Variants in CDK14 observed in about 807,000 individuals in gnomAD.
CDK14 encodes cyclin dependent kinase 14, also known as cyclin-dependent kinase 14.
In CDK14, 34 loss-of-function variants were observed where a neutral mutation model predicts 60.7. That is an observed-to-expected ratio of 0.56 (90% CI 0.43 to 0.75). The LOEUF is 0.75. CDK14 is among the 30% of genes least tolerant of loss of function. CDK14 has a pLI of 0.00. For missense variants in CDK14, 482 were observed against 564.1 expected, an observed-to-expected ratio of 0.85 and a Z score of 1.47; for synonymous variants, 197 against 203.7, an observed-to-expected ratio of 0.97 and a Z score of 0.28.
chr7:90,740,499 A>G (rs2157795), intron 3 of CDK14, among the ~76,000 whole-genome samples: 1 of 151,924 alleles, frequency 6.6e-6, no homozygotes, highest in African/African-American at 2.4e-5. Flanking sequence ...GTGTAGAGAC[A>G]CCAGGGATCC....
intron 4 of CDK14, among the ~76,000 whole-genome samples, chr7:90,750,193 CA>C (rs1562752191): frequency 4.8e-4 from 41 of 84,960 alleles, no homozygotes; most frequent in Non-Finnish European, 9.9e-4. Context: ...CACACACACA[CA>C]CACACACCAA....
At chr7:90,664,006 A>G (rs1306973264) in intron 2 of CDK14, among the ~76,000 whole-genome samples, 4 of 152,186 alleles carry the variant, frequency 2.6e-5, no homozygotes, top group African/African-American at 7.2e-5. Flanking sequence ...TGAACAGGCA[A>G]CCTACAGAAT....
intron 4 of CDK14, among the ~76,000 whole-genome samples, chr7:90,760,685 A>T (rs192072616): frequency 1.5e-4 from 23 of 152,364 alleles, no homozygotes; most frequent in African/African-American, 5.5e-4. Flanking sequence ...AATCAATGAA[A>T]ATAACATCAC....
chr7:91,118,808 T>C (rs1799691075), intron 14 of CDK14, among the ~76,000 whole-genome samples: 1 of 152,194 alleles, frequency 6.6e-6, no homozygotes, highest in South Asian at 2.1e-4. Context: ...GACCTTATCA[T>C]GATGAAGCTT....
At chr7:91,094,223 A>G (rs920534022) in intron 12 of CDK14, among the ~76,000 whole-genome samples, 29 of 152,176 alleles carry the variant, frequency 1.9e-4, no homozygotes, top group Non-Finnish European at 1.0e-4. Flanking sequence ...CCTTTTTCAT[A>G]TGAGTTCACT....
At chr7:91,111,088 G>A (rs935676920) in intron 12 of CDK14, among the ~76,000 whole-genome samples, 3 of 151,956 alleles carry the variant, frequency 2.0e-5, no homozygotes, top group African/African-American at 4.8e-5. Context: ...CATTTTTTTC[G>A]TGAACAGCCA....
At chr7:90,864,591 C>T (rs1791113873) in intron 6 of CDK14, among the ~76,000 whole-genome samples, 1 of 152,070 alleles carries the variant, frequency 6.6e-6, no homozygotes, top group African/African-American at 2.4e-5. Flanking sequence ...GTAGCTTGTG[C>T]ACCAAAATCA....
At chr7:90,609,675 G>A (rs7803168) in intron 2 of CDK14, among the ~76,000 whole-genome samples, 46,814 of 151,982 alleles carry the variant, frequency 0.31, 8,116 homozygotes, top group East Asian at 0.67. Context: ...CTGCATATCC[G>A]TGAGCCAATT....
chr7:90,946,985 A>G (rs1240542602), intron 8 of CDK14, among the ~76,000 whole-genome samples: 2 of 152,208 alleles, frequency 1.3e-5, no homozygotes, highest in Admixed American at 1.3e-4. Flanking sequence ...ACAAACCAAC[A>G]GACAACGCAG....
rs1368013848 is a variant in CDK14 at position 91,207,518 on chromosome 7, C to T, written c.*382C>T. ...ATGTCTTAAATACATTAAGACAACACATTTGGTGTTCACACTTCTTCAGTA... is the reference window on the plus strand; with the variant it reads ...ATGTCTTAAATACATTAAGACAACATATTTGGTGTTCACACTTCTTCAGTA... On this transcript the variant is annotated 3_prime_UTR_variant, in exon 15 of 15. Transcript: ENST00000380050. 6.6e-6 allele frequency: 1 copy of T among 152,646 alleles called. No homozygotes were observed. Among genetic ancestry groups the T allele is most frequent in the African/African-American group, 2.4e-5 (1 of 41,450 alleles). 9.5% of individuals were successfully genotyped at this position (152,646 alleles called of 1,614,324 possible). A position where few individuals can be genotyped will look rare whatever the true frequency, so the allele number is the denominator to read the frequency against.
At chr7:91,077,534 C>T (rs1420638494) in intron 11 of CDK14, among the ~76,000 whole-genome samples, 2 of 152,000 alleles carry the variant, frequency 1.3e-5, no homozygotes, top group Non-Finnish European at 2.9e-5. Flanking sequence ...GGACAAATAG[C>T]TAATGCATGC....
In CDK14 at chr7:90,901,674, G is replaced by GTATATATA. The variant is rs10646692; in HGVS notation, c.702+2330_702+2337dup. Among the ~76,000 whole-genome samples the GTATATATA allele has an allele frequency of 7.3e-3, 1,083 of 148,262 alleles. 21 individuals carry two copies. Among genetic ancestry groups the GTATATATA allele is most frequent in the African/African-American group, 0.025 (1,001 of 40,352 alleles). On this transcript the variant is annotated intron_variant, in intron 7 of 14. Coordinates refer to ENST00000380050, the MANE Select transcript of CDK14 (RefSeq NM_001287135.2). ...TAGAGTCACCTGGCAAGCTTTATAT[G>GTATATATA]TATATATATATATATACACACACAC...
intron 3 of CDK14, among the ~76,000 whole-genome samples, chr7:90,728,798 G>A (rs1320671253): frequency 6.6e-6 from 1 of 152,016 alleles, no homozygotes; most frequent in African/African-American, 2.4e-5. Flanking sequence ...CTCTGTGCCT[G>A]GGTGGCTTGT....
At chr7:90,875,967 TTAA>T (rs1791545796) in intron 6 of CDK14, among the ~76,000 whole-genome samples, 1 of 152,202 alleles carries the variant, frequency 6.6e-6, no homozygotes, top group Non-Finnish European at 1.5e-5. Context: ...ACTGAAAATA[TTAA>T]TAATAGCCTT....
At chr7:90,858,706 G>A (rs1465460901) in intron 5 of CDK14, among the ~76,000 whole-genome samples, 1 of 152,110 alleles carries the variant, frequency 6.6e-6, no homozygotes, top group Non-Finnish European at 1.5e-5. Context: ...CCCTGCTGTG[G>A]TTTGAAATAA....
In CDK14 at chr7:91,147,158, TCTCTCACA is replaced by T. The variant is rs1200272137; in HGVS notation, c.*28+28952_*28+28959del. On this transcript the variant is annotated intron_variant, in intron 14 of 14. Transcript: ENST00000380050. ...CTCTCTCTGTCTCTCTCTCTCTCTCTCTCTCACACACACACACACACACACACACACAC... is the reference window on the plus strand; with the variant it reads ...CTCTCTCTGTCTCTCTCTCTCTCTCTCACACACACACACACACACACACAC... Among the ~76,000 whole-genome samples, 463 of 107,584 alleles carry T rather than the reference TCTCTCACA, an allele frequency of 4.3e-3. 7 individuals carry two copies. The highest frequency in any genetic ancestry group is 0.013 in the African/African-American group (408 of 31,352). The allele number at this position is 107,584 out of a possible 152,430, so 70.6% of individuals were successfully genotyped here.
At chr7:90,763,445 A>G (rs912190020) in intron 4 of CDK14, among the ~76,000 whole-genome samples, 1 of 152,196 alleles carries the variant, frequency 6.6e-6, no homozygotes, top group African/African-American at 2.4e-5. Flanking sequence ...AGGAGTGTCA[A>G]TGAATTTGGG....
chr7:91,124,134 T>C (rs1799868816), intron 14 of CDK14, among the ~76,000 whole-genome samples: 1 of 152,128 alleles, frequency 6.6e-6, no homozygotes, highest in African/African-American at 2.4e-5. Context: ...GCGATCATCC[T>C]GCTTTCGCCT....
intron 7 of CDK14, among the ~76,000 whole-genome samples, chr7:90,904,154 G>A (rs1054264949): frequency 8.5e-5 from 13 of 152,110 alleles, no homozygotes; most frequent in African/African-American, 3.1e-4. Flanking sequence ...GAGCTTGAGA[G>A]ACAGGACTTG....
Sources: gnomAD v4.1 joint callset for allele counts (sites outside exome capture counted in the v4.1 genomes callset) on GRCh38, gnomAD v4.1.1 for gene constraint, MANE v1.5 for transcripts, NCBI Gene and HGNC (gene_info 2026-07-23, HGNC 2026-07-21) for gene names.